The following IL1RAPL1 variants were observed in gnomAD, a reference collection of about 807,000 sequenced individuals.
The protein encoded by IL1RAPL1 is interleukin 1 receptor accessory protein like 1, also known as interleukin-1 receptor accessory protein-like 1.
IL1RAPL1 carries 3 observed loss-of-function variants against 48.4 expected under a neutral mutation model. The observed-to-expected ratio is 0.06, with a 90% CI of 0.03 to 0.16. IL1RAPL1 has a LOEUF of 0.16. Among genes scored for constraint, IL1RAPL1 ranks in the 10% least tolerant of loss-of-function variants. IL1RAPL1 has a pLI of 1.00. For synonymous variants in IL1RAPL1, 185 were observed against 187.7 expected (o/e 0.99, Z 0.12); for missense variants, 349 against 530.6 (o/e 0.66, Z 3.36).
intron 2 of IL1RAPL1, among the ~76,000 whole-genome samples, chrX:29,093,387 T>G (rs1484134077): frequency 9.0e-6 from 1 of 110,629 alleles, no homozygotes; most frequent in Non-Finnish European, 1.9e-5. Context: ...TCAAGAGAGC[T>G]CACTCACCAT....
intron 2 of IL1RAPL1, among the ~76,000 whole-genome samples, chrX:28,949,661 G>C (rs1924398714): frequency 9.1e-6 from 1 of 110,174 alleles, no homozygotes; most frequent in Non-Finnish European, 1.9e-5. Flanking sequence ...TCTCATTGTG[G>C]TTTTGATTTG....
At chrX:28,903,579 A>C (rs944091774) in intron 2 of IL1RAPL1, among the ~76,000 whole-genome samples, 1 of 110,143 alleles carries the variant, frequency 9.1e-6, no homozygotes, top group African/African-American at 3.3e-5. Flanking sequence ...TGTAGATAAA[A>C]TTCCTGTCAT....
chrX:28,632,615 C>T (rs778191012), intron 1 of IL1RAPL1, among the ~76,000 whole-genome samples: 6 of 111,384 alleles, frequency 5.4e-5, no homozygotes, highest in African/African-American at 2.0e-4. Context: ...TTTACCATGT[C>T]AAACATTAAA....
intron 3 of IL1RAPL1, among the ~76,000 whole-genome samples, chrX:29,337,836 G>A (rs1933017420): frequency 1.8e-5 from 2 of 109,690 alleles, no homozygotes; most frequent in South Asian, 8.0e-4. Flanking sequence ...CACCACGCCC[G>A]GCTAATTTTT....
intron 6 of IL1RAPL1, among the ~76,000 whole-genome samples, chrX:29,677,903 G>A (rs927154323): frequency 1.1e-4 from 12 of 111,518 alleles, no homozygotes; most frequent in Non-Finnish European, 1.7e-4. Context: ...TGCTTTGAAC[G>A]CCATCCTACT....
At chrX:29,456,071 A>T (rs754111630) in intron 5 of IL1RAPL1, among the ~76,000 whole-genome samples, 26 of 111,532 alleles carry the variant, frequency 2.3e-4, no homozygotes, top group Non-Finnish European at 3.2e-4. Flanking sequence ...TTAAAAAAAA[A>T]ACTGATATGA....
intron 6 of IL1RAPL1, among the ~76,000 whole-genome samples, chrX:29,700,256 C>T (rs1488751113): frequency 1.8e-5 from 2 of 112,143 alleles, no homozygotes; most frequent in Non-Finnish European, 3.8e-5. Context: ...ATTTTGATCT[C>T]ACTAGAGTCT....
chrX:29,259,625 G>A (rs750660204), intron 2 of IL1RAPL1, among the ~76,000 whole-genome samples: 10 of 111,031 alleles, frequency 9.0e-5, no homozygotes, highest in Admixed American at 5.8e-4. Context: ...CTGGATAAAT[G>A]TAATTAGAAA....
intron 2 of IL1RAPL1, among the ~76,000 whole-genome samples, chrX:28,985,955 G>A (rs917639036): frequency 1.5e-4 from 17 of 110,949 alleles, no homozygotes; most frequent in Admixed American, 1.9e-4. Flanking sequence ...CACCGCGCCC[G>A]GCCCCTAACG....
intron 5 of IL1RAPL1, among the ~76,000 whole-genome samples, chrX:29,656,298 G>C (rs1479203690): frequency 9.0e-6 from 1 of 111,485 alleles, no homozygotes; most frequent in Non-Finnish European, 1.9e-5. Context: ...AGTTTTGGGG[G>C]AACAGGTGGT....
At chrX:29,513,338 G>A (rs1935412895) in intron 5 of IL1RAPL1, among the ~76,000 whole-genome samples, 1 of 111,077 alleles carries the variant, frequency 9.0e-6, no homozygotes, top group East Asian at 2.8e-4. Flanking sequence ...TTTTAACAAT[G>A]CATTCTGAAC....
chrX:29,890,856 G>A (rs1023350550), intron 6 of IL1RAPL1, among the ~76,000 whole-genome samples: 1 of 111,924 alleles, frequency 8.9e-6, no homozygotes, highest in Non-Finnish European at 1.9e-5. Flanking sequence ...CTGAGGTCAG[G>A]CATTGTGATC....
At chrX:29,656,009 A>G (rs28432103) in intron 5 of IL1RAPL1, among the ~76,000 whole-genome samples, 1,501 of 112,445 alleles carry the variant, frequency 0.013, 23 homozygotes, top group African/African-American at 0.046. Context: ...ACATCTACTT[A>G]ATGTTTTGTC....
At position 29,426,599 on chromosome X, in the gene IL1RAPL1, A is replaced by G. The variant is rs2223496; in HGVS notation, c.703+27291A>G. Among the ~76,000 whole-genome samples the G allele has an allele frequency of 2.8e-3, 313 of 111,930 alleles. 3 individuals are homozygous for G. Among genetic ancestry groups the G allele is most frequent in the Admixed American group, 0.028 (288 of 10,463 alleles). ...AACTACCCGTTGACTTAGTTTCTTCATCTGAAATGTAAAGGCAATCAGAAC... is the reference window on the plus strand; with the variant it reads ...AACTACCCGTTGACTTAGTTTCTTCGTCTGAAATGTAAAGGCAATCAGAAC... On this transcript the variant is annotated intron_variant, in intron 5 of 10. Transcript: ENST00000378993.
At chrX:29,747,872 G>A (rs763552915) in intron 6 of IL1RAPL1, among the ~76,000 whole-genome samples, 7 of 112,108 alleles carry the variant, frequency 6.2e-5, no homozygotes, top group Non-Finnish European at 1.3e-4. Flanking sequence ...TGGCAAATGC[G>A]GCAACTTACA....
At chrX:29,792,455 C>T (rs772188296) in intron 6 of IL1RAPL1, among the ~76,000 whole-genome samples, 5 of 111,771 alleles carry the variant, frequency 4.5e-5, no homozygotes, top group Non-Finnish European at 9.4e-5. Flanking sequence ...GACTGCTGTC[C>T]TCATTAGAAT....
intron 5 of IL1RAPL1, among the ~76,000 whole-genome samples, chrX:29,591,576 C>T (rs1462992387): frequency 8.9e-6 from 1 of 112,058 alleles, no homozygotes; most frequent in Non-Finnish European, 1.9e-5. Context: ...CTCTGCCGGG[C>T]ACTCTCCTGT....
intron 5 of IL1RAPL1, among the ~76,000 whole-genome samples, chrX:29,429,909 G>C (rs1350904824): frequency 1.9e-5 from 2 of 105,939 alleles, no homozygotes; most frequent in Non-Finnish European, 3.9e-5. Context: ...GTGTGTGTGT[G>C]TGTGTGTGTG....
intron 2 of IL1RAPL1, among the ~76,000 whole-genome samples, chrX:29,218,125 T>C (rs1381109474): frequency 1.8e-5 from 2 of 111,791 alleles, no homozygotes; most frequent in Non-Finnish European, 1.9e-5. Flanking sequence ...AGAATAAATA[T>C]ATAATTTACT....
Sources: allele counts gnomAD v4.1 joint callset (sites outside exome capture counted in the v4.1 genomes callset), GRCh38; gene constraint gnomAD v4.1.1; transcripts MANE v1.5; gene names NCBI Gene and HGNC (gene_info 2026-07-23, HGNC 2026-07-21).